Variants in COL24A1 observed in about 807,000 individuals in gnomAD.
COL24A1 encodes the protein collagen alpha-1(XXIV) chain.
COL24A1 carries 224 observed loss-of-function variants against 253.9 expected under a neutral mutation model. The ratio of observed to expected loss-of-function variants is 0.88; its 90% CI spans 0.79 to 0.99. The LOEUF (loss-of-function observed/expected upper bound fraction) is 0.99, where lower values mean the gene tolerates loss of function less well. COL24A1 is among the 50% of genes least tolerant of loss of function. The pLI is 0.00. For missense variants in COL24A1, 2,131 were observed against 2,068.5 expected, an observed-to-expected ratio of 1.03 and a Z score of -0.59; for synonymous variants, 685 against 673.7, an observed-to-expected ratio of 1.02 and a Z score of -0.26.
intron 10 of COL24A1, among the ~76,000 whole-genome samples, chr1:86,056,512 C>T (rs1421655445): frequency 2.0e-5 from 3 of 152,106 alleles, no homozygotes; most frequent in African/African-American, 7.2e-5. Context: ...AAATGTAAGA[C>T]ATCATTATTG....
At chr1:85,997,055 G>GTGTATATATA in intron 19 of COL24A1, among the ~76,000 whole-genome samples, 3 of 95,090 alleles carry the variant, frequency 3.2e-5, no homozygotes, top group Admixed American at 1.1e-4. Context: ...GTGTGTGTGT[G>GTGTATATATA]TATATATATA....
At position 86,089,515 on chromosome 1, in the gene COL24A1, C is replaced by T. The variant is rs145283047; in HGVS notation, c.1654-288G>A. Among the ~76,000 whole-genome samples the T allele has an allele frequency of 7.9e-5, 12 of 152,218 alleles. No homozygotes were observed. In the East Asian group the frequency reaches 2.1e-3, roughly 27 times the overall value. Reference sequence around the variant, plus strand: ...AACTTCGCCTCAGTCCAAGGTCTACCATGTTTTAAAAATTGAAAGTAGGGC... The same window carrying T: ...AACTTCGCCTCAGTCCAAGGTCTACTATGTTTTAAAAATTGAAAGTAGGGC... On this transcript the variant is annotated intron_variant, in intron 6 of 59. Transcript: ENST00000370571.
At chr1:86,110,793 G>A (rs984894195) in intron 5 of COL24A1, among the ~76,000 whole-genome samples, 1 of 152,128 alleles carries the variant, frequency 6.6e-6, no homozygotes, top group Non-Finnish European at 1.5e-5. Flanking sequence ...GCAGGGCTCC[G>A]GACCTGCAGC....
intron 39 of COL24A1, among the ~76,000 whole-genome samples, chr1:85,846,071 A>T (rs1211601369): frequency 1.3e-5 from 2 of 151,926 alleles, no homozygotes; most frequent in Non-Finnish European, 2.9e-5. Flanking sequence ...TAGAAGAAAA[A>T]CAGACTAATG....
intron 19 of COL24A1, among the ~76,000 whole-genome samples, chr1:86,012,199 T>A (rs1696560414): frequency 6.6e-6 from 1 of 152,216 alleles, no homozygotes; most frequent in Non-Finnish European, 1.5e-5. Flanking sequence ...GGTTAATAAA[T>A]CACTTTCTAT....
chr1:85,823,501 T>C (rs776655563), intron 45 of COL24A1, 35 bp downstream of exon 45: 8 of 1,600,298 alleles, frequency 5.0e-6, no homozygotes, highest in Non-Finnish European at 6.8e-6. Flanking sequence ...TTGCTAACAA[T>C]ACATCTCAAA....
At chr1:86,036,253 G>A (rs1250939813) in intron 12 of COL24A1, among the ~76,000 whole-genome samples, 2 of 152,042 alleles carry the variant, frequency 1.3e-5, no homozygotes, top group Non-Finnish European at 2.9e-5. Flanking sequence ...CTCCCGTAGT[G>A]TTGGGATTAC....
intron 24 of COL24A1, among the ~76,000 whole-genome samples, chr1:85,934,355 T>G (rs1688071365): frequency 6.6e-6 from 1 of 152,210 alleles, no homozygotes; most frequent in Non-Finnish European, 1.5e-5. Flanking sequence ...CACAATGATT[T>G]AAATTCTATT....
rs753798601 is a variant in COL24A1 at position 85,734,899 on chromosome 1, A to G, written c.4848T>C (p.His1616=). 5 of 1,614,078 alleles carry G rather than the reference A, an allele frequency of 3.1e-6. No individual in the cohort carries two copies. In the African/African-American group the frequency reaches 6.7e-5, roughly 22 times the overall value. Residue 1616 remains histidine (H), a synonymous_variant, in exon 59 of 60, where the codon CAT becomes CAC. Coordinates refer to ENST00000370571, the MANE Select transcript of COL24A1 (RefSeq NM_152890.7). ...TGTTTAGACAGTGAATGGTGATGATATGGGTGGCTTCCGAACTCAGTAAAT... is the reference window on the plus strand; with the variant it reads ...TGTTTAGACAGTGAATGGTGATGATGTGGGTGGCTTCCGAACTCAGTAAAT... ...FLHLLSSEAT[H]IITIHCLNTP... is the part of the protein sequence containing the mutation.
chr1:86,007,350 G>T (rs1184062273), intron 19 of COL24A1, among the ~76,000 whole-genome samples: 2 of 152,156 alleles, frequency 1.3e-5, no homozygotes, highest in African/African-American at 2.4e-5. Context: ...TGGAGCAAAA[G>T]GAACTCTTAT....
intron 22 of COL24A1, 66 bp downstream of exon 22, chr1:85,970,161 A>C: frequency 7.2e-7 from 1 of 1,385,294 alleles, no homozygotes; most frequent in Non-Finnish European, 9.8e-7. Flanking sequence ...TATGATGTTA[A>C]AAACATTTAT....
chr1:85,986,776 C>T (rs1693756409), intron 20 of COL24A1, among the ~76,000 whole-genome samples: 3 of 151,816 alleles, frequency 2.0e-5, no homozygotes, highest in Admixed American at 2.0e-4. Context: ...TTTCCAGCTT[C>T]ATCTCCTATC....
At chr1:86,108,620 T>TAAAA (rs55852463) in intron 5 of COL24A1, among the ~76,000 whole-genome samples, 29 of 83,094 alleles carry the variant, frequency 3.5e-4, no homozygotes, top group African/African-American at 1.4e-3. Flanking sequence ...CCATCTCTAC[T>TAAAA]AAAAAAAAAA....
intron 1 of COL24A1, 116 bp downstream of exon 1, chr1:86,156,224 TA>T: frequency 1.0e-6 from 1 of 962,310 alleles, no homozygotes; most frequent in Non-Finnish European, 1.5e-6. Context: ...CGGCCGCTCC[TA>T]AAGCCAAAAA....
chr1:85,997,055 G>GTGTGTGTGTGTGTGTGTGTATATATA, intron 19 of COL24A1, among the ~76,000 whole-genome samples: 6 of 95,118 alleles, frequency 6.3e-5, no homozygotes, highest in Admixed American at 1.1e-4. Context: ...GTGTGTGTGT[G>GTGTGTGTGTGTGTGTGTGTATATATA]TATATATATA....
At chr1:86,101,244 T>C (rs1242837973) in intron 5 of COL24A1, among the ~76,000 whole-genome samples, 4 of 152,114 alleles carry the variant, frequency 2.6e-5, no homozygotes, top group Non-Finnish European at 2.9e-5. Flanking sequence ...AGATGATCAA[T>C]GACTTTGTTG....
At chr1:86,052,610 A>T (rs1238820351) in intron 10 of COL24A1, among the ~76,000 whole-genome samples, 1 of 152,094 alleles carries the variant, frequency 6.6e-6, no homozygotes, top group Non-Finnish European at 1.5e-5. Context: ...TATTGGGTAC[A>T]GAGTTTCAGT....
At chr1:85,791,705 G>A (rs1176913288) in intron 47 of COL24A1, among the ~76,000 whole-genome samples, 1 of 152,084 alleles carries the variant, frequency 6.6e-6, no homozygotes, top group Non-Finnish European at 1.5e-5. Flanking sequence ...ATGAATTGCA[G>A]CATTTGGCAG....
At chr1:86,106,684 A>G (rs1705012387) in intron 5 of COL24A1, among the ~76,000 whole-genome samples, 1 of 152,222 alleles carries the variant, frequency 6.6e-6, no homozygotes, top group East Asian at 1.9e-4. Context: ...ATGATAAATA[A>G]TAGACCCAGG....
Sources: gnomAD v4.1 joint callset for allele counts (sites outside exome capture counted in the v4.1 genomes callset) on GRCh38, gnomAD v4.1.1 for gene constraint, MANE v1.5 for transcripts, NCBI Gene and HGNC (gene_info 2026-07-23, HGNC 2026-07-21) for gene names.